Variants in SHISA9 observed in about 807,000 individuals in gnomAD.
The protein encoded by SHISA9 is protein shisa-9.
Under a neutral mutation model 38.0 loss-of-function variants are expected in SHISA9, and 13 were observed. The observed-to-expected ratio is 0.34, with a 90% CI of 0.22 to 0.54. SHISA9 has a LOEUF of 0.54. SHISA9 is among the 20% of genes least tolerant of loss of function. The pLI is 0.91. For missense variants in SHISA9, 538 were observed against 575.8 expected (o/e 0.93, Z 0.67); for synonymous variants, 275 against 242.0 (o/e 1.14, Z -1.27).
chr16:12,908,741 G>A, intron 1 of SHISA9: 2 of 1,429,714 alleles, frequency 1.4e-6, no homozygotes, highest in Non-Finnish European at 1.8e-6. Flanking sequence ...GTCTAGGAAT[G>A]CTTTCTATAT....
At chr16:13,393,768 C>T in the SHISA9 span, among the ~76,000 whole-genome samples, 1 of 152,052 alleles carries the variant, frequency 6.6e-6, no homozygotes, top group Non-Finnish European at 1.5e-5. Context: ...CTGCTTAGGA[C>T]CCTTGAAGGC....
chr16:13,483,347 C>T, the SHISA9 span, among the ~76,000 whole-genome samples: 1 of 152,114 alleles, frequency 6.6e-6, no homozygotes, highest in African/African-American at 2.4e-5. Flanking sequence ...CAGAGTGGAT[C>T]CGAACACTTT....
chr16:13,212,031 C>A (rs749044940), intron 3 of SHISA9, among the ~76,000 whole-genome samples: 4 of 152,134 alleles, frequency 2.6e-5, no homozygotes, highest in Non-Finnish European at 5.9e-5. Flanking sequence ...GAGGGGTGTA[C>A]AGTTCAGATC....
At chr16:13,256,515 G>C in the SHISA9 span, among the ~76,000 whole-genome samples, 1 of 152,142 alleles carries the variant, frequency 6.6e-6, no homozygotes, top group Non-Finnish European at 1.5e-5. Context: ...CCCAACCTCA[G>C]GTGATCCGCC....
the SHISA9 span, among the ~76,000 whole-genome samples, chr16:13,503,004 T>C: frequency 0.045 from 6,875 of 152,184 alleles, 288 homozygotes; most frequent in Non-Finnish European, 0.066. Context: ...AATATAGTGA[T>C]AAATTAAAAA....
At chr16:13,372,715 C>T in the SHISA9 span, among the ~76,000 whole-genome samples, 1 of 152,142 alleles carries the variant, frequency 6.6e-6, no homozygotes, top group Admixed American at 6.5e-5. Flanking sequence ...GTGCAAAGCT[C>T]TATATGAATT....
the SHISA9 span, among the ~76,000 whole-genome samples, chr16:13,531,227 A>G: frequency 3.9e-5 from 6 of 152,148 alleles, no homozygotes; most frequent in Non-Finnish European, 7.4e-5. Flanking sequence ...TTAAGTTACC[A>G]CATGTAAATT....
the SHISA9 span, among the ~76,000 whole-genome samples, chr16:13,428,770 A>T: frequency 0.74 from 109,769 of 148,418 alleles, 40,776 homozygotes; most frequent in Admixed American, 0.82. Flanking sequence ...TTATTGTTTT[A>T]TTGTTTTTTT....
At chr16:13,107,821 G>C (rs2073941925) in intron 2 of SHISA9, among the ~76,000 whole-genome samples, 1 of 152,026 alleles carries the variant, frequency 6.6e-6, no homozygotes, top group Non-Finnish European at 1.5e-5. Flanking sequence ...AGTGGCAGTG[G>C]GTATAAGGCA....
At chr16:13,370,826 G>A in the SHISA9 span, among the ~76,000 whole-genome samples, 1 of 152,056 alleles carries the variant, frequency 6.6e-6, no homozygotes, top group African/African-American at 2.4e-5. Flanking sequence ...AAGAGAGGCT[G>A]GGAATGGAGT....
chr16:13,026,420 T>G (rs1567186710), intron 2 of SHISA9, among the ~76,000 whole-genome samples: 1 of 152,226 alleles, frequency 6.6e-6, no homozygotes, highest in East Asian at 1.9e-4. Context: ...TTTTCAAGGC[T>G]GAATACTATT....
In SHISA9 at chr16:13,127,683, C is replaced by T. The variant is rs1031639074; in HGVS notation, c.692-75711C>T. On this transcript the variant is annotated intron_variant, in intron 2 of 4. Transcript: ENST00000558583. ...AACATGCACTGGGCTCCAGGGTAAG[C>T]TTAGGAATTTTTTATTCCAGAAGAC... Among the ~76,000 whole-genome samples the T allele has an allele frequency of 9.9e-5, 15 of 152,226 alleles. 1 individual carries two copies. The highest frequency in any genetic ancestry group is 3.1e-4 in the African/African-American group (13 of 41,536).
chr16:13,426,642 A>T, the SHISA9 span, among the ~76,000 whole-genome samples: 2 of 152,230 alleles, frequency 1.3e-5, no homozygotes, highest in Admixed American at 1.3e-4. Context: ...GCTTAATTTC[A>T]GACAGAACAA....
chr16:12,987,867 G>A (rs1473490525), intron 2 of SHISA9, among the ~76,000 whole-genome samples: 1 of 152,174 alleles, frequency 6.6e-6, no homozygotes, highest in Non-Finnish European at 1.5e-5. Context: ...TTGTAGAGGC[G>A]GCAATGGAGG....
chr16:13,485,514 A>C, the SHISA9 span, among the ~76,000 whole-genome samples: 2 of 152,026 alleles, frequency 1.3e-5, no homozygotes, highest in Non-Finnish European at 2.9e-5. Flanking sequence ...ACAATTGTAC[A>C]TATTTTGAGG....
intron 1 of SHISA9, among the ~76,000 whole-genome samples, chr16:12,907,176 C>G (rs1270691387): frequency 9.3e-6 from 1 of 107,010 alleles, no homozygotes; most frequent in African/African-American, 3.5e-5. Context: ...CATCCCCCTT[C>G]CACCCTTCCC....
chr16:13,409,950 G>A, the SHISA9 span, among the ~76,000 whole-genome samples: 5 of 152,110 alleles, frequency 3.3e-5, no homozygotes, highest in South Asian at 1.0e-3. Flanking sequence ...TGTGAGAATG[G>A]GATGAATACA....
chr16:13,080,958 G>C (rs544025714), intron 2 of SHISA9, among the ~76,000 whole-genome samples: 9 of 152,128 alleles, frequency 5.9e-5, no homozygotes, highest in Non-Finnish European at 1.3e-4. Context: ...CAAGAGAGAG[G>C]TAATCTCTCT....
chr16:13,545,641 C>T, the SHISA9 span, among the ~76,000 whole-genome samples: 1 of 152,182 alleles, frequency 6.6e-6, no homozygotes, highest in African/African-American at 2.4e-5. Flanking sequence ...GAACATTCCA[C>T]CTGTTGCGTC....
Sources: allele counts gnomAD v4.1 joint callset (sites outside exome capture counted in the v4.1 genomes callset), GRCh38; gene constraint gnomAD v4.1.1; transcripts MANE v1.5; gene names NCBI Gene and HGNC (gene_info 2026-07-23, HGNC 2026-07-21).